Variants in ASIC2 observed in about 807,000 individuals in gnomAD.
ASIC2 encodes acid sensing ion channel subunit 2.
ASIC2 carries 25 observed loss-of-function variants against 57.3 expected under a neutral mutation model. The ratio of observed to expected loss-of-function variants is 0.44; its 90% CI spans 0.32 to 0.61. The LOEUF (loss-of-function observed/expected upper bound fraction) is 0.61, where lower values mean the gene tolerates loss of function less well. Among genes scored for constraint, ASIC2 ranks in the 20% least tolerant of loss-of-function variants. The pLI is 0.06. For missense variants in ASIC2, 641 were observed against 738.1 expected, an observed-to-expected ratio of 0.87 and a Z score of 1.52; for synonymous variants, 319 against 307.5, an observed-to-expected ratio of 1.04 and a Z score of -0.39.
At chr17:33,507,117 C>T (rs1914287584) in intron 1 of ASIC2, among the ~76,000 whole-genome samples, 2 of 152,204 alleles carry the variant, frequency 1.3e-5, no homozygotes. Flanking sequence ...AGTCTCACTC[C>T]CAATACCTGA....
chr17:33,388,277 C>G (rs1229561041), intron 1 of ASIC2, among the ~76,000 whole-genome samples: 1 of 152,188 alleles, frequency 6.6e-6, no homozygotes. Flanking sequence ...GGGGTACAGC[C>G]CTGCTGATGT....
At chr17:33,257,430 G>C (rs1909119743) in intron 1 of ASIC2, among the ~76,000 whole-genome samples, 1 of 152,238 alleles carries the variant, frequency 6.6e-6, no homozygotes, top group South Asian at 2.1e-4. Flanking sequence ...TCCACAGTGA[G>C]AGGAGGGTTG....
intron 1 of ASIC2, among the ~76,000 whole-genome samples, chr17:33,812,380 T>C (rs1332868194): frequency 6.6e-6 from 1 of 152,198 alleles, no homozygotes; most frequent in African/African-American, 2.4e-5. Context: ...TAAGAAGCTT[T>C]ATCATTGTCA....
At chr17:33,380,825 C>A (rs140654463) in intron 1 of ASIC2, among the ~76,000 whole-genome samples, 115 of 152,278 alleles carry the variant, frequency 7.6e-4, no homozygotes, top group African/African-American at 2.6e-3. Context: ...GATTGGCAGC[C>A]CTGATGTTCC....
chr17:33,969,534 G>C (rs111570157), intron 1 of ASIC2, among the ~76,000 whole-genome samples: 3,635 of 152,282 alleles, frequency 0.024, 103 homozygotes, highest in African/African-American at 0.064. Flanking sequence ...GAACAAGAAA[G>C]GGGAAGGCAG....
At chr17:33,452,738 G>GGTGTGTGTGTGTGTGTGTGTGTGT (rs35126239) in intron 1 of ASIC2, among the ~76,000 whole-genome samples, 5 of 140,408 alleles carry the variant, frequency 3.6e-5, no homozygotes, top group African/African-American at 1.4e-4. Context: ...AACAGAGTGG[G>GGTGTGTGTGTGTGTGTGTGTGTGT]GTGTGTGTGT....
At chr17:33,113,631 T>C (rs2092268941) in intron 1 of ASIC2, among the ~76,000 whole-genome samples, 1 of 152,242 alleles carries the variant, frequency 6.6e-6, no homozygotes, top group African/African-American at 2.4e-5. Context: ...GCCTTTCTTA[T>C]GTAAATCTTT....
At chr17:33,820,734 AT>A (rs1477581107) in intron 1 of ASIC2, among the ~76,000 whole-genome samples, 12 of 152,298 alleles carry the variant, frequency 7.9e-5, no homozygotes, top group African/African-American at 2.6e-4. Flanking sequence ...AAGATACAGG[AT>A]GTTGACATGT....
intron 1 of ASIC2, chr17:33,932,741 A>AATATATATATATATATATATATATATAT (rs1330850946): frequency 6.8e-5 from 4 of 58,698 alleles, no homozygotes; most frequent in East Asian, 8.4e-4. Flanking sequence ...AAAAAAAAAA[A>AATATATATATATATATATATATATATAT]ATATATATAT....
chr17:33,261,921 C>A (rs4795757), intron 1 of ASIC2, among the ~76,000 whole-genome samples: 1 of 152,112 alleles, frequency 6.6e-6, no homozygotes, highest in African/African-American at 2.4e-5. Flanking sequence ...ATCTGGGTGC[C>A]GTGGCCTCTT....
intron 1 of ASIC2, among the ~76,000 whole-genome samples, chr17:33,634,172 C>A (rs9916566): frequency 0.3 from 45,469 of 152,114 alleles, 6,947 homozygotes; most frequent in East Asian, 0.42. Context: ...GACTGTCACA[C>A]TCTCTAGTTC....
chr17:34,034,152 G>T (rs1409758085), intron 1 of ASIC2, among the ~76,000 whole-genome samples: 2 of 152,122 alleles, frequency 1.3e-5, no homozygotes, highest in Non-Finnish European at 2.9e-5. Context: ...ACATCAAAAA[G>T]CTTATCCACC....
intron 7 of ASIC2, among the ~76,000 whole-genome samples, chr17:33,019,873 A>G (rs1390578828): frequency 2.0e-5 from 3 of 152,120 alleles, no homozygotes; most frequent in Non-Finnish European, 2.9e-5. Context: ...AGAGACGCAC[A>G]TAGAGCAGAG....
rs987679432 is a variant in ASIC2 at position 33,078,503 on chromosome 17, T to A, written c.987+10360A>T. Among the ~76,000 whole-genome samples the A allele has an allele frequency of 4.6e-5, 7 of 152,372 alleles. No homozygotes were observed. In the South Asian group the frequency reaches 8.3e-4, roughly 18 times the overall value. On this transcript the variant is annotated intron_variant, in intron 3 of 9. Transcript: ENST00000225823. ...TCAGAGATCATTGCACAATATTCGA[T>A]CCATCCTTCATTCCATCTAAGAACT...
At chr17:33,730,466 C>T (rs1201531483) in intron 1 of ASIC2, among the ~76,000 whole-genome samples, 2 of 152,214 alleles carry the variant, frequency 1.3e-5, no homozygotes, top group African/African-American at 4.8e-5. Context: ...TCAAACCTGG[C>T]TCATACAACT....
At chr17:34,141,618 A>G (rs987520254) in intron 1 of ASIC2, among the ~76,000 whole-genome samples, 4 of 152,226 alleles carry the variant, frequency 2.6e-5, no homozygotes, top group African/African-American at 9.6e-5. Flanking sequence ...CATAGGGAAC[A>G]TCAGTAAATG....
At chr17:33,643,878 T>A (rs540637578) in intron 1 of ASIC2, among the ~76,000 whole-genome samples, 1 of 152,204 alleles carries the variant, frequency 6.6e-6, no homozygotes, top group East Asian at 1.9e-4. Context: ...AATTAGTAGG[T>A]GTTATTATTA....
At chr17:34,140,715 A>G (rs1912249787) in intron 1 of ASIC2, among the ~76,000 whole-genome samples, 1 of 152,152 alleles carries the variant, frequency 6.6e-6, no homozygotes, top group African/African-American at 2.4e-5. Flanking sequence ...ACTGTAACCT[A>G]TTGAATAAAA....
At chr17:33,094,430 G>A (rs1490001232) in intron 2 of ASIC2, among the ~76,000 whole-genome samples, 1 of 152,126 alleles carries the variant, frequency 6.6e-6, no homozygotes, top group African/African-American at 2.4e-5. Flanking sequence ...CAAGTACCAG[G>A]ATGCTGCACT....
Sources: gnomAD v4.1 joint callset for allele counts (sites outside exome capture counted in the v4.1 genomes callset) on GRCh38, gnomAD v4.1.1 for gene constraint, MANE v1.5 for transcripts, NCBI Gene and HGNC (gene_info 2026-07-23, HGNC 2026-07-21) for gene names.